ACAP2: variants seen among roughly 807,000 people sequenced by gnomAD.
ACAP2 encodes ArfGAP with coiled-coil, ankyrin repeat and PH domains 2.
In ACAP2, 39 loss-of-function variants were observed where a neutral mutation model predicts 115.8. That is an observed-to-expected ratio of 0.34 (90% CI 0.26 to 0.44). ACAP2 has a LOEUF of 0.44. ACAP2 is among the 20% of genes least tolerant of loss of function. The probability of loss-of-function intolerance (pLI) is 1.00; values close to 1 mark genes in which losing one functional copy is unlikely to be tolerated. For missense variants in ACAP2, 662 were observed against 927.6 expected (o/e 0.71, Z 3.72); for synonymous variants, 289 against 315.8 (o/e 0.92, Z 0.90).
At chr3:195,289,642 T>A (rs201195072) in intron 20 of ACAP2, among the ~76,000 whole-genome samples, 3,395 of 140,814 alleles carry the variant, frequency 0.024, 109 homozygotes, top group East Asian at 0.11. Flanking sequence ...CTACTAAAAT[T>A]AAAAAAAAAA....
rs568215640 is a variant in ACAP2, at chr3:195,375,648, C to CA, written c.285+5360dup. Among the ~76,000 whole-genome samples the CA allele has an allele frequency of 1.2e-3, 180 of 152,066 alleles. 1 individual carries two copies. Among genetic ancestry groups the CA allele is most frequent in the South Asian group, 5.0e-3 (24 of 4,814 alleles). ...ACAACACAGCAAGACCCCATCTCAACAAAAAAATTAAAAATTAGCTGAGCA... is the reference window on the plus strand; with the variant it reads ...ACAACACAGCAAGACCCCATCTCAACAAAAAAAATTAAAAATTAGCTGAGCA... On this transcript the variant is annotated intron_variant, in intron 4 of 22. Transcript: ENST00000326793.
intron 4 of ACAP2, among the ~76,000 whole-genome samples, chr3:195,369,290 G>A (rs1242156179): frequency 6.6e-6 from 1 of 151,952 alleles, no homozygotes; most frequent in East Asian, 1.9e-4. Context: ...TTTATTTTAG[G>A]TTCAGTGGTA....
chr3:195,382,189 T>C (rs1733988675), intron 2 of ACAP2, among the ~76,000 whole-genome samples, 167 bp from the exon 3 acceptor site: 1 of 152,180 alleles, frequency 6.6e-6, no homozygotes, highest in South Asian at 2.1e-4. Context: ...CTTCAGCTTA[T>C]AAAGTAAATT....
At chr3:195,289,372 A>G in intron 20 of ACAP2, 141 bp from the exon 21 acceptor site, 1 of 661,122 alleles carries the variant, frequency 1.5e-6, no homozygotes. Context: ...ACTGAACACT[A>G]ACTCTACTAA....
intron 6 of ACAP2, among the ~76,000 whole-genome samples, chr3:195,341,918 C>CATA (rs1251465009): frequency 1.8e-4 from 27 of 152,016 alleles, no homozygotes; most frequent in Admixed American, 1.1e-3. Context: ...TGTGTTGTCA[C>CATA]CTATAAGTAG....
chr3:195,334,222 C>CAAA (rs34378421), intron 7 of ACAP2, among the ~76,000 whole-genome samples: 1 of 128,040 alleles, frequency 7.8e-6, no homozygotes, highest in East Asian at 2.0e-4. Flanking sequence ...AAACTATTTT[C>CAAA]AAAAAAAAAA....
chr3:195,314,837 G>A (rs1728984028), intron 10 of ACAP2, among the ~76,000 whole-genome samples: 1 of 152,162 alleles, frequency 6.6e-6, no homozygotes, highest in Non-Finnish European at 1.5e-5. Flanking sequence ...AAATTAAGCT[G>A]CGCAGAGAAT....
At chr3:195,372,117 C>G (rs756859311) in intron 4 of ACAP2, among the ~76,000 whole-genome samples, 1 of 152,020 alleles carries the variant, frequency 6.6e-6, no homozygotes, top group African/African-American at 2.4e-5. Flanking sequence ...AATATCAGAT[C>G]GAGAAGCTAA....
At chr3:195,301,817 C>T (rs924466198) in intron 14 of ACAP2, 149 bp downstream of exon 14, 2 of 1,187,602 alleles carry the variant, frequency 1.7e-6, no homozygotes, top group African/African-American at 1.5e-5. Flanking sequence ...TTTTACAAAC[C>T]AGGATTTTAA....
chr3:195,286,858 G>A (rs1382796416), intron 21 of ACAP2, among the ~76,000 whole-genome samples: 1 of 152,142 alleles, frequency 6.6e-6, no homozygotes, highest in Non-Finnish European at 1.5e-5. Context: ...GTATTGCCTG[G>A]GAAGCTGCCT....
intron 4 of ACAP2, among the ~76,000 whole-genome samples, chr3:195,352,807 G>A (rs1731698139): frequency 6.6e-6 from 1 of 152,132 alleles, no homozygotes; most frequent in South Asian, 2.1e-4. Flanking sequence ...AGGCATTGAA[G>A]CTTCCAGCCA....
intron 15 of ACAP2, among the ~76,000 whole-genome samples, chr3:195,298,250 C>T (rs1305606347): frequency 1.7e-5 from 2 of 119,226 alleles, no homozygotes; most frequent in African/African-American, 6.7e-5. Context: ...CCTTTCTCTC[C>T]TCTTTTTTTT....
intron 2 of ACAP2, among the ~76,000 whole-genome samples, chr3:195,383,166 T>A (rs1221667763): frequency 1.3e-5 from 2 of 152,088 alleles, no homozygotes; most frequent in Non-Finnish European, 2.9e-5. Flanking sequence ...TAAAATAAAA[T>A]GTCTTGCCAG....
At chr3:195,323,102 AG>A (rs1577299200) in intron 9 of ACAP2, among the ~76,000 whole-genome samples, 1 of 152,220 alleles carries the variant, frequency 6.6e-6, no homozygotes, top group Admixed American at 6.5e-5. Context: ...TGTGAGGTCC[AG>A]GGAACAGAAT....
intron 1 of ACAP2, among the ~76,000 whole-genome samples, chr3:195,429,618 G>C (rs539322059): frequency 1.3e-5 from 2 of 152,156 alleles, no homozygotes; most frequent in East Asian, 3.8e-4. Context: ...AGGCTGTATC[G>C]TGACAGAGGT....
intron 1 of ACAP2, among the ~76,000 whole-genome samples, chr3:195,408,139 T>G (rs567074335): frequency 1.3e-5 from 2 of 152,116 alleles, no homozygotes; most frequent in South Asian, 4.1e-4. Context: ...GACTTATAAC[T>G]AGTAAAAAGA....
At chr3:195,299,825 G>A (rs758395841) in intron 15 of ACAP2, among the ~76,000 whole-genome samples, 24 of 151,990 alleles carry the variant, frequency 1.6e-4, no homozygotes, top group Admixed American at 5.2e-4. Flanking sequence ...GCGACACAGC[G>A]AGACTCCCTC....
intron 1 of ACAP2, among the ~76,000 whole-genome samples, chr3:195,423,622 C>CAAAAA (rs59649323): frequency 2.2e-5 from 2 of 92,648 alleles, no homozygotes; most frequent in Non-Finnish European, 4.4e-5. Flanking sequence ...GACTCCGTCT[C>CAAAAA]AAAAAAAAAA....
intron 1 of ACAP2, chr3:195,419,686 A>G (rs1479628418): frequency 6.6e-6 from 1 of 152,212 alleles, no homozygotes; most frequent in African/African-American, 2.4e-5. Context: ...CACAGCTTCA[A>G]TTTTAACATC....
Sources: gnomAD v4.1 joint callset for allele counts (sites outside exome capture counted in the v4.1 genomes callset) on GRCh38, gnomAD v4.1.1 for gene constraint, MANE v1.5 for transcripts, NCBI Gene and HGNC (gene_info 2026-07-23, HGNC 2026-07-21) for gene names.